SNCAIP: variants seen among roughly 807,000 people sequenced by gnomAD.
The protein encoded by SNCAIP is synuclein alpha interacting protein, also known as synphilin-1.
A neutral mutation model predicts 86.7 loss-of-function variants in SNCAIP; 43 were observed. The observed-to-expected ratio is 0.50, with a 90% CI of 0.39 to 0.64. The LOEUF (loss-of-function observed/expected upper bound fraction) is 0.64, where lower values mean the gene tolerates loss of function less well. Ranked by LOEUF, SNCAIP falls within the 30% of genes least tolerant of loss-of-function variation. The probability of loss-of-function intolerance (pLI) is 0.00; values close to 1 mark genes in which losing one functional copy is unlikely to be tolerated. For missense variants in SNCAIP, 981 were observed against 1,103.1 expected, an observed-to-expected ratio of 0.89 and a Z score of 1.57; for synonymous variants, 417 against 427.2, an observed-to-expected ratio of 0.98 and a Z score of 0.29.
intron 1 of SNCAIP, among the ~76,000 whole-genome samples, chr5:122,361,955 C>T (rs1275480183): frequency 6.6e-6 from 1 of 152,150 alleles, no homozygotes; most frequent in Admixed American, 6.6e-5. Context: ...GGGATAGATT[C>T]AGTTTGGGGA....
At chr5:122,414,836 A>T (rs1029402833) in intron 3 of SNCAIP, among the ~76,000 whole-genome samples, 1 of 152,332 alleles carries the variant, frequency 6.6e-6, no homozygotes, top group Middle Eastern at 3.4e-3. Flanking sequence ...TATACTTAAA[A>T]TTCTCTGAGT....
chr5:122,411,786 GT>G (rs1376527732), intron 3 of SNCAIP, among the ~76,000 whole-genome samples: 1 of 152,074 alleles, frequency 6.6e-6, no homozygotes, highest in African/African-American at 2.4e-5. Flanking sequence ...CAAAATCTGC[GT>G]TTTAACAAGC....
chr5:122,313,254 C>A (rs1336715612), intron 1 of SNCAIP, among the ~76,000 whole-genome samples: 3 of 152,322 alleles, frequency 2.0e-5, no homozygotes, highest in South Asian at 4.1e-4. Context: ...GAGGCAGGAT[C>A]GGATTCCTCT....
intron 1 of SNCAIP, among the ~76,000 whole-genome samples, chr5:122,362,374 T>G (rs1561582318): frequency 1.3e-5 from 2 of 152,208 alleles, no homozygotes; most frequent in Admixed American, 6.5e-5. Flanking sequence ...ATTATCAGTA[T>G]GGCTCACCAT....
At chr5:122,379,550 G>GC (rs1766187330) in intron 1 of SNCAIP, among the ~76,000 whole-genome samples, 1 of 145,830 alleles carries the variant, frequency 6.9e-6, no homozygotes, top group African/African-American at 2.5e-5. Flanking sequence ...CTGCCTGATT[G>GC]CCCTGGCCAG....
At chr5:122,408,841 T>G (rs753064731) in intron 3 of SNCAIP, among the ~76,000 whole-genome samples, 2 of 152,176 alleles carry the variant, frequency 1.3e-5, no homozygotes, top group Non-Finnish European at 2.9e-5. Context: ...AGCAGCATAT[T>G]TATCCTCAAA....
At chr5:122,435,387 T>C (rs1312560765) in intron 6 of SNCAIP, among the ~76,000 whole-genome samples, 1 of 152,186 alleles carries the variant, frequency 6.6e-6, no homozygotes, top group Non-Finnish European at 1.5e-5. Context: ...AAGGTTCAGA[T>C]TGTCTCATCC....
At chr5:122,422,813 A>G in intron 3 of SNCAIP, 55 bp from the exon 4 acceptor site, 1 of 1,448,466 alleles carries the variant, frequency 6.9e-7, no homozygotes, top group Admixed American at 1.7e-5. Flanking sequence ...TGCATAGCCA[A>G]GATGTGTTCA....
Position 122,450,813 on chromosome 5 carries a change from C to T in SNCAIP, c.1966C>T (p.Pro656Ser). 1.2e-6 allele frequency: 2 copies of T among 1,614,058 alleles called. No homozygotes were observed. The highest frequency in any genetic ancestry group is 2.2e-5 in the East Asian group (1 of 44,870). ...TTCCTCTAGAAATTCTAAAAAGATCCCACTGGAGAAGAGGGAACTGAAGTT... is the reference window on the plus strand; with the variant it reads ...TTCCTCTAGAAATTCTAAAAAGATCTCACTGGAGAAGAGGGAACTGAAGTT... ...QASSRNSKKI[P>S]LEKRELKLAR... Residue 656 changes from proline to serine, a missense_variant, in exon 10 of 11, where the codon CCA becomes TCA. By Grantham distance (74) the Pro-to-Ser change is moderately conservative. Transcript: ENST00000261368.
chr5:122,414,405 A>G (rs2152904693), intron 3 of SNCAIP, among the ~76,000 whole-genome samples: 1 of 151,974 alleles, frequency 6.6e-6, no homozygotes, highest in East Asian at 1.9e-4. Flanking sequence ...TAATTTTTGT[A>G]TGTTTAATAG....
In SNCAIP at chr5:122,403,838, T is replaced by A; in HGVS notation, c.103T>A (p.Cys35Ser). 1 of 1,613,936 alleles carries A rather than the reference T, an allele frequency of 6.2e-7. No homozygotes were observed. The highest frequency in any genetic ancestry group is 8.5e-7 in the Non-Finnish European group (1 of 1,179,840). The part of the protein sequence containing the change: ...LKTIPELCRR[C>S]DTQNEDRSVS... Reference sequence around the variant, plus strand: ...GACGATCCCAGAACTGTGCCGAAGATGTGATACGCAAAACGAAGACAGATC... The same window carrying A: ...GACGATCCCAGAACTGTGCCGAAGAAGTGATACGCAAAACGAAGACAGATC... Residue 35 changes from cysteine to serine, a missense_variant, in exon 3 of 11, where the codon TGT (cysteine) becomes AGT (serine). By Grantham distance (112) the Cys-to-Ser change is moderately radical. Coordinates refer to ENST00000261368, the MANE Select transcript of SNCAIP (RefSeq NM_005460.4).
At chr5:122,415,655 G>A (rs1775156836) in intron 3 of SNCAIP, among the ~76,000 whole-genome samples, 1 of 152,204 alleles carries the variant, frequency 6.6e-6, no homozygotes, top group Admixed American at 6.5e-5. Context: ...GTAACTCAGA[G>A]TCCTTTGTCC....
At chr5:122,422,756 C>A in intron 3 of SNCAIP, 112 bp from the exon 4 acceptor site, 1 of 862,724 alleles carries the variant, frequency 1.2e-6, no homozygotes, top group Non-Finnish European at 1.9e-6. Flanking sequence ...GTCATCCTCA[C>A]ACACAGAACC....
intron 1 of SNCAIP, among the ~76,000 whole-genome samples, chr5:122,335,119 A>T (rs1756171232): frequency 6.6e-6 from 1 of 152,170 alleles, no homozygotes; most frequent in South Asian, 2.1e-4. Context: ...CTTTCTTTTG[A>T]TGACTAAAAT....
chr5:122,326,938 CTATGTATG>C (rs36064900), intron 1 of SNCAIP, among the ~76,000 whole-genome samples: 38 of 146,894 alleles, frequency 2.6e-4, no homozygotes, highest in African/African-American at 5.3e-4. Flanking sequence ...ACTTTCTCAA[CTATGTATG>C]TATGTATGTA....
At chr5:122,458,161 T>A (rs959341336) in intron 10 of SNCAIP, among the ~76,000 whole-genome samples, 2 of 152,214 alleles carry the variant, frequency 1.3e-5, no homozygotes, top group African/African-American at 2.4e-5. Flanking sequence ...CGTACTCTCT[T>A]AAATCACTAT....
chr5:122,451,540 G>A lies in SNCAIP; in HGVS notation c.2693G>A (p.Gly898Glu), dbSNP rs199517639. 7 of 1,613,784 alleles carry A rather than the reference G, an allele frequency of 4.3e-6. No homozygotes were observed. The African/African-American group carries it at 8.0e-5, about 18-fold the overall frequency. The stretch of plus-strand genomic sequence containing the variant: ...TCTACATTGCCCTTGACCTCACTTG[G>A]GAGGAAGACAGATGCCAAGGGAAAC... ...KTSTLPLTSL[G>E]RKTDAKGNPA... The change falls in exon 10 of 11, where the codon GGG becomes GAG. Residue 898 changes from glycine to glutamate, a missense_variant. By Grantham distance (98) the Gly-to-Glu change is moderately conservative. Transcript: ENST00000261368.
In SNCAIP at chr5:122,423,526, T is replaced by C; in HGVS notation, c.789T>C (p.Phe263=). ...GTAAAGACTTCCTAAACAAGACATT[T>C]AGTGATCCTCATGGTCGAAAAGTTG... The part of the protein sequence containing the change: ...NQSKDFLNKT[F]SDPHGRKVEK... The change falls in exon 4 of 11, where the codon TTT becomes TTC. Residue 263 remains phenylalanine, a synonymous_variant. Coordinates refer to ENST00000261368, the MANE Select transcript of SNCAIP (RefSeq NM_005460.4). The C allele has an allele frequency of 6.2e-7, 1 of 1,614,140 alleles. No individual in the cohort carries two copies. Among genetic ancestry groups the C allele is most frequent in the Non-Finnish European group, 8.5e-7 (1 of 1,180,012 alleles).
At chr5:122,450,483 A>G in intron 9 of SNCAIP, 50 bp from the exon 10 acceptor site, 1 of 1,335,946 alleles carries the variant, frequency 7.5e-7, no homozygotes, top group Non-Finnish European at 1.1e-6. Context: ...GACTTGAGTC[A>G]TTTCAACCCA....
Sources: gnomAD v4.1 joint callset for allele counts (sites outside exome capture counted in the v4.1 genomes callset) on GRCh38, gnomAD v4.1.1 for gene constraint, MANE v1.5 for transcripts, NCBI Gene and HGNC (gene_info 2026-07-23, HGNC 2026-07-21) for gene names.